ROBO2: variants seen among roughly 807,000 people sequenced by gnomAD.
ROBO2 encodes roundabout homolog 2.
A neutral mutation model predicts 160.8 loss-of-function variants in ROBO2; 53 were observed. The observed-to-expected ratio is 0.33, with a 90% confidence interval of 0.26 to 0.41. ROBO2 has a LOEUF of 0.41. Ranked by LOEUF, ROBO2 falls within the 10% of genes least tolerant of loss-of-function variation. The pLI, the probability that ROBO2 is intolerant of heterozygous loss-of-function variation, is 1.00. For synonymous variants in ROBO2, 664 were observed against 611.7 expected (o/e 1.09, Z -1.26); for missense variants, 1,577 against 1,722.4 (o/e 0.92, Z 1.49).
At chr3:77,570,341 G>A (rs891496167) in intron 13 of ROBO2, among the ~76,000 whole-genome samples, 96 of 152,020 alleles carry the variant, frequency 6.3e-4, no homozygotes, top group Middle Eastern at 6.8e-3. Flanking sequence ...GGAGGGGGAC[G>A]TTGTCTATTC....
In ROBO2 at chr3:76,696,384, T is replaced by C. The variant is rs891593895; in HGVS notation, c.110-401630T>C. On this transcript the variant is annotated intron_variant, in intron 2 of 26. Coordinates refer to the ROBO2 transcript ENST00000487694. ...AAATACAATTTTAAATGGATCTCTT[T>C]TTTTTTTTTTCAGTTGCAAGATTTA... Among the ~76,000 whole-genome samples the C allele has an allele frequency of 2.8e-3, 178 of 64,690 alleles. 2 individuals are homozygous for C. In the Middle Eastern group the frequency reaches 0.028, roughly 10 times the overall value. The allele number at this position is 64,690 out of a possible 152,430, so 42.4% of individuals were successfully genotyped here.
intron 5 of ROBO2, among the ~76,000 whole-genome samples, chr3:77,515,944 AAAT>A (rs1439439644): frequency 6.6e-6 from 1 of 151,646 alleles, no homozygotes; most frequent in African/African-American, 2.4e-5. Flanking sequence ...TGGTGTCTTG[AAAT>A]AACCAATTTT....
intron 2 of ROBO2, among the ~76,000 whole-genome samples, chr3:77,207,515 T>G (rs2083588103): frequency 6.6e-6 from 1 of 152,258 alleles, no homozygotes; most frequent in African/African-American, 2.4e-5. Context: ...GCCATCATTT[T>G]ATCTTTAAAA....
At chr3:77,097,468 T>G (rs2071242213) in intron 1 of ROBO2, among the ~76,000 whole-genome samples, 1 of 152,202 alleles carries the variant, frequency 6.6e-6, no homozygotes, top group Non-Finnish European at 1.5e-5. Flanking sequence ...TTCAAAATCC[T>G]GCCTCTGCTG....
At chr3:76,143,977 C>G (rs2071789520) in intron 2 of ROBO2, among the ~76,000 whole-genome samples, 1 of 151,644 alleles carries the variant, frequency 6.6e-6, no homozygotes, top group South Asian at 2.1e-4. Context: ...TCTATTCAGG[C>G]CTTTAACTGA....
At chr3:76,254,745 G>C (rs1706252226) in intron 2 of ROBO2, among the ~76,000 whole-genome samples, 1 of 151,712 alleles carries the variant, frequency 6.6e-6, no homozygotes, top group Non-Finnish European at 1.5e-5. Flanking sequence ...CAGAGAGAGA[G>C]AGAGAGAGAG....
At chr3:76,218,974 A>T (rs1483933763) in intron 2 of ROBO2, among the ~76,000 whole-genome samples, 1 of 152,204 alleles carries the variant, frequency 6.6e-6, no homozygotes, top group Non-Finnish European at 1.5e-5. Context: ...GATATAGATC[A>T]ATGGAACAGA....
intron 2 of ROBO2, among the ~76,000 whole-genome samples, chr3:77,123,910 G>A (rs559071327): frequency 2.6e-4 from 36 of 138,840 alleles, no homozygotes; most frequent in African/African-American, 6.8e-4. Context: ...TATGTAGATA[G>A]ATATATAGAT....
intron 2 of ROBO2, among the ~76,000 whole-genome samples, chr3:77,402,625 A>G (rs1296707499): frequency 6.6e-6 from 1 of 151,928 alleles, no homozygotes; most frequent in African/African-American, 2.4e-5. Flanking sequence ...ATGACCTTCT[A>G]TGGACATTTG....
intron 2 of ROBO2, among the ~76,000 whole-genome samples, chr3:76,954,814 T>C (rs1286777941): frequency 6.6e-6 from 1 of 152,186 alleles, no homozygotes; most frequent in Non-Finnish European, 1.5e-5. Flanking sequence ...AACTTAGCCT[T>C]TGCAATAAAG....
At chr3:77,091,954 T>A (rs771080630) in intron 1 of ROBO2, 19 of 151,328 alleles carry the variant, frequency 1.3e-4, no homozygotes, top group Non-Finnish European at 2.7e-4. Flanking sequence ...CCCTCCAGCT[T>A]GAGTGACAGA....
intron 1 of ROBO2, among the ~76,000 whole-genome samples, chr3:77,095,890 T>C (rs1186051775): frequency 6.6e-6 from 1 of 152,162 alleles, no homozygotes; most frequent in East Asian, 1.9e-4. Flanking sequence ...TGTAATTACC[T>C]ATCTAGATGC....
At chr3:77,195,886 C>T (rs17820541) in intron 2 of ROBO2, among the ~76,000 whole-genome samples, 27,217 of 152,178 alleles carry the variant, frequency 0.18, 3,221 homozygotes, top group Non-Finnish European at 0.26. Flanking sequence ...GCAAGTATTG[C>T]GCTGATGAGC....
chr3:76,417,754 A>G (rs572166131), intron 2 of ROBO2, among the ~76,000 whole-genome samples: 1 of 152,278 alleles, frequency 6.6e-6, no homozygotes, highest in African/African-American at 2.4e-5. Context: ...TATTACATTA[A>G]GAAAGATAAT....
rs530379788 is a variant in ROBO2 at position 77,526,998 on chromosome 3, A to G, written c.934+4096A>G. Among the ~76,000 whole-genome samples the G allele has an allele frequency of 2.3e-3, 342 of 151,494 alleles. 3 individuals carry two copies. The highest frequency in any genetic ancestry group is 7.6e-3 in the African/African-American group (316 of 41,442). ...TAACCATGCTTAAAATCCAATTGCTATTTAAATCAGACAGCGAGGCCTTCT... is the reference window on the plus strand; with the variant it reads ...TAACCATGCTTAAAATCCAATTGCTGTTTAAATCAGACAGCGAGGCCTTCT... On this transcript the variant is annotated intron_variant, in intron 6 of 25. Coordinates refer to ENST00000461745, the Ensembl canonical transcript of ROBO2.
At chr3:77,370,913 T>C (rs749721633) in intron 2 of ROBO2, among the ~76,000 whole-genome samples, 126 of 152,264 alleles carry the variant, frequency 8.3e-4, no homozygotes, top group Non-Finnish European at 1.3e-3. Context: ...CTGCCCTAGA[T>C]AGTCCAGGGA....
At chr3:77,369,763 A>G (rs2071466017) in intron 2 of ROBO2, among the ~76,000 whole-genome samples, 1 of 152,134 alleles carries the variant, frequency 6.6e-6, no homozygotes, top group Non-Finnish European at 1.5e-5. Flanking sequence ...GCAATATGAA[A>G]TTGTCCAAAT....
chr3:77,456,851 T>C (rs938648046), intron 2 of ROBO2, among the ~76,000 whole-genome samples: 6 of 152,178 alleles, frequency 3.9e-5, no homozygotes, highest in African/African-American at 1.4e-4. Context: ...GTTCCCATCA[T>C]GGAACACAAC....
intron 2 of ROBO2, among the ~76,000 whole-genome samples, chr3:77,116,716 T>C (rs1389294619): frequency 6.6e-6 from 1 of 152,240 alleles, no homozygotes; most frequent in East Asian, 1.9e-4. Flanking sequence ...AGGTATTTTC[T>C]TGCCTTTGGC....
Sources: gnomAD v4.1 joint callset for allele counts (sites outside exome capture counted in the v4.1 genomes callset) on GRCh38, gnomAD v4.1.1 for gene constraint, MANE v1.5 for transcripts, NCBI Gene and HGNC (gene_info 2026-07-23, HGNC 2026-07-21) for gene names.